Variants in GARRE1 observed in about 807,000 individuals in gnomAD.
GARRE1 encodes granule associated Rac and RHOG effector protein 1.
Under a neutral mutation model 103.2 loss-of-function variants are expected in GARRE1, and 49 were observed. The ratio of observed to expected loss-of-function variants is 0.47; its 90% CI spans 0.38 to 0.60. GARRE1 has a LOEUF of 0.60. Among genes scored for constraint, GARRE1 ranks in the 20% least tolerant of loss-of-function variants. The pLI is 0.00. For synonymous variants in GARRE1, 505 were observed against 532.8 expected (o/e 0.95, Z 0.72); for missense variants, 1,199 against 1,370.5 (o/e 0.87, Z 1.98).
At chr19:34,336,035 G>A (rs1008810135) in intron 8 of GARRE1, among the ~76,000 whole-genome samples, 1 of 151,796 alleles carries the variant, frequency 6.6e-6, no homozygotes, top group African/African-American at 2.4e-5. Context: ...CTGTCCCCCA[G>A]ACTGCAGTGC....
intron 7 of GARRE1, among the ~76,000 whole-genome samples, chr19:34,333,053 G>A (rs1007605910): frequency 2.0e-5 from 3 of 152,132 alleles, no homozygotes; most frequent in African/African-American, 2.4e-5. Flanking sequence ...TTTTTTGTTT[G>A]TTTGTTTGTT....
chr19:34,284,642 C>G lies in GARRE1; in HGVS notation c.-795-15037C>G, dbSNP rs191547151. Among the ~76,000 whole-genome samples, 4 of 152,288 alleles carry G rather than the reference C, an allele frequency of 2.6e-5. No individual in the cohort carries two copies. The East Asian group carries it at 7.7e-4, about 29-fold the overall frequency. ...AGCATTAAAACTTAAGAGTACATGA[C>G]AAATCTCACAAGTCTTGGCTACACT... is the stretch of plus-strand genomic sequence containing the variant. On this transcript the variant is annotated intron_variant, in intron 1 of 13. Transcript: ENST00000299505.
In GARRE1 at chr19:34,266,638, C is replaced by A. The variant is rs1599746536; in HGVS notation, c.-796+12024C>A. ...GAATTACAGGTGTGAGCCATTGCAT[C>A]AGGCAACTTTCTGGTCTTTTTGAGG... On this transcript the variant is annotated intron_variant, in intron 1 of 13. Coordinates refer to ENST00000299505, the MANE Select transcript of GARRE1 (RefSeq NM_014686.5). Among the ~76,000 whole-genome samples the A allele has an allele frequency of 2.0e-5, 3 of 152,284 alleles. No homozygotes were observed. In the South Asian group the frequency reaches 6.2e-4, roughly 32 times the overall value.
chr19:34,281,105 A>G (rs1405072190), intron 1 of GARRE1, among the ~76,000 whole-genome samples: 3 of 152,196 alleles, frequency 2.0e-5, no homozygotes, highest in Non-Finnish European at 4.4e-5. Context: ...AGAGGGGTCC[A>G]GTCAAAACAC....
In GARRE1 at chr19:34,293,716, A is replaced by ACACG. The variant is rs1491548513; in HGVS notation, c.-795-5960_-795-5959insGCAC. 6.5e-3 allele frequency among the ~76,000 whole-genome samples: 6 copies of ACACG among 930 alleles called. No individual in the cohort carries two copies. In the East Asian group the frequency reaches 0.25, roughly 39 times the overall value. The allele number at this position is 930 out of a possible 152,430, so 0.6% of individuals were successfully genotyped here. A position where few individuals can be genotyped will look rare whatever the true frequency, so the allele number is the denominator to read the frequency against. On this transcript the variant is annotated intron_variant, in intron 1 of 13. Coordinates refer to ENST00000299505, the MANE Select transcript of GARRE1 (RefSeq NM_014686.5). ...AACCTCTTGAAGCATAAACATATAA[A>ACACG]CACACACACACACACACACACACAC...
At chr19:34,304,374 ATTTT>A (rs1227745814) in intron 2 of GARRE1, among the ~76,000 whole-genome samples, 2 of 113,686 alleles carry the variant, frequency 1.8e-5, no homozygotes. Context: ...CATCTTTGTA[ATTTT>A]TTTTTTTTTT....
Position 34,347,987 on chromosome 19 carries a change from C to T in GARRE1, c.2632C>T (p.Pro878Ser), listed in dbSNP as rs1262619724. 11 of 1,582,148 alleles carry T rather than the reference C, an allele frequency of 7.0e-6. No individual in the cohort carries two copies. Among genetic ancestry groups the T allele is most frequent in the Non-Finnish European group, 9.5e-6 (11 of 1,161,948 alleles). ...RRPGNPRGNW[P>S]PMDDAHRTWP... ...GCCAGGCAACCCCCGGGGCAACTGG[C>T]CGCCTATGGATGACGCGCATCGGAC... The change falls in exon 11 of 14, where the codon CCG becomes TCG. Residue 878 changes from proline (P) to serine (S), a missense_variant. Physicochemically the swap from Pro to Ser is moderately conservative, Grantham distance 74. Transcript: ENST00000299505.
chr19:34,328,210 G>T (rs910330707), intron 6 of GARRE1, 59 bp downstream of exon 6: 3 of 1,567,782 alleles, frequency 1.9e-6, no homozygotes, highest in Admixed American at 1.7e-5. Flanking sequence ...GTTCTTAAGA[G>T]AAATGTAAAG....
chr19:34,336,461 G>A lies in GARRE1; in HGVS notation c.1361+2660G>A, dbSNP rs372220708. Among the ~76,000 whole-genome samples the A allele has an allele frequency of 4.0e-3, 555 of 137,424 alleles. 2 individuals are homozygous for A. The highest frequency in any genetic ancestry group is 0.014 in the African/African-American group (524 of 37,200). 90.2% of individuals were successfully genotyped at this position (137,424 alleles called of 152,430 possible). Reference sequence around the variant, plus strand: ...TGTAGTCAGTGTTCTGCTGAAATGTGTTCCTGAATTTTTTTTTTTTTTTTT... The same window carrying A: ...TGTAGTCAGTGTTCTGCTGAAATGTATTCCTGAATTTTTTTTTTTTTTTTT... On this transcript the variant is annotated intron_variant, in intron 8 of 13. Transcript: ENST00000299505.
intron 2 of GARRE1, among the ~76,000 whole-genome samples, chr19:34,312,388 A>G (rs1345321736): frequency 2.6e-5 from 4 of 152,302 alleles, no homozygotes; most frequent in East Asian, 3.8e-4. Flanking sequence ...ACCATCATCC[A>G]TCTCTAGAAC....
At chr19:34,352,327 C>T (rs1406246228) in intron 13 of GARRE1, among the ~76,000 whole-genome samples, 8 of 148,612 alleles carry the variant, frequency 5.4e-5, no homozygotes, top group Non-Finnish European at 1.0e-4. Flanking sequence ...GCTTGAACCC[C>T]GGAGGCAGAG....
chr19:34,344,454 A>G (rs941450036), intron 10 of GARRE1, among the ~76,000 whole-genome samples: 10 of 151,024 alleles, frequency 6.6e-5, no homozygotes, highest in East Asian at 2.0e-4. Flanking sequence ...AGCCGGGCGT[A>G]GTGGCGGGCG....
intron 3 of GARRE1, among the ~76,000 whole-genome samples, chr19:34,324,968 T>C (rs532344701): frequency 6.6e-6 from 1 of 152,334 alleles, no homozygotes; most frequent in African/African-American, 2.4e-5. Flanking sequence ...TGGCTTCCAC[T>C]CCTATACAAG....
Position 34,352,848 on chromosome 19 carries a change from A to AGG in GARRE1, c.3106_3107insGG (p.Thr1036ArgfsTer56). The AGG allele has an allele frequency of 6.3e-7, 1 of 1,591,604 alleles. No individual in the cohort carries two copies. The highest frequency in any genetic ancestry group is 8.6e-7 in the Non-Finnish European group (1 of 1,166,586). ...TGCCGCTGCCTTCTCCTATGTGCAGACCCCACCCCAGCCCCCACCCCCACC... is the reference window on the plus strand; with the variant it reads ...TGCCGCTGCCTTCTCCTATGTGCAGAGGCCCCACCCCAGCCCCCACCCCCACC... On this transcript the variant is annotated frameshift_variant, in exon 14 of 14. Coordinates refer to ENST00000299505, the MANE Select transcript of GARRE1 (RefSeq NM_014686.5). LOFTEE classifies it high-confidence loss of function.
chr19:34,295,441 T>C (rs1375421571), intron 1 of GARRE1, among the ~76,000 whole-genome samples: 2 of 152,104 alleles, frequency 1.3e-5, no homozygotes, highest in African/African-American at 4.8e-5. Flanking sequence ...GGAAAGTCCT[T>C]ATTCTGCCAT....
At chr19:34,277,525 G>A (rs1309895500) in intron 1 of GARRE1, among the ~76,000 whole-genome samples, 1 of 152,160 alleles carries the variant, frequency 6.6e-6, no homozygotes, top group South Asian at 2.1e-4. Flanking sequence ...ATAGAGACTC[G>A]ATTAGATTTT....
intron 2 of GARRE1, 69 bp from the exon 3 acceptor site, chr19:34,319,838 T>G: frequency 7.2e-7 from 1 of 1,390,514 alleles, no homozygotes; most frequent in South Asian, 1.2e-5. Context: ...AGTTGGTCAT[T>G]GAAAATTTAC....
At chr19:34,308,590 A>T (rs1385345440) in intron 2 of GARRE1, among the ~76,000 whole-genome samples, 1 of 152,170 alleles carries the variant, frequency 6.6e-6, no homozygotes, top group Non-Finnish European at 1.5e-5. Context: ...GTCAACAAAC[A>T]TGATTTACCA....
intron 1 of GARRE1, among the ~76,000 whole-genome samples, chr19:34,294,452 TAAA>T (rs140427539): frequency 0.014 from 2,063 of 151,856 alleles, 44 homozygotes; most frequent in African/African-American, 0.047. Context: ...TGAAATAAAA[TAAA>T]AAATCGTTGC....
Sources: allele counts gnomAD v4.1 joint callset (sites outside exome capture counted in the v4.1 genomes callset), GRCh38; gene constraint gnomAD v4.1.1; transcripts MANE v1.5; gene names NCBI Gene and HGNC (gene_info 2026-07-23, HGNC 2026-07-21).